The following LYST variants were observed in gnomAD, a reference collection of about 807,000 sequenced individuals.
LYST encodes the protein lysosomal trafficking regulator.
A neutral mutation model predicts 413.6 loss-of-function variants in LYST; 192 were observed. That is an observed-to-expected ratio of 0.46 (90% CI 0.41 to 0.52). The LOEUF is 0.52. LYST is among the 20% of genes least tolerant of loss of function. LYST has a pLI of 0.00. For synonymous variants in LYST, 1,525 were observed against 1,567.3 expected (o/e 0.97, Z 0.64); for missense variants, 3,815 against 4,499.9 (o/e 0.85, Z 4.35).
chr1:235,778,775 G>C (rs1474863098), intron 16 of LYST, among the ~76,000 whole-genome samples: 1 of 152,058 alleles, frequency 6.6e-6, no homozygotes, highest in Non-Finnish European at 1.5e-5. Context: ...TGTTGTGTAT[G>C]ATTATGCTGG....
chr1:235,693,420 T>C lies in LYST; in HGVS notation c.10631A>G (p.Asn3544Ser). Residue 3544 changes from asparagine (N) to serine (S), a missense_variant, in exon 47 of 53, where the codon AAT becomes AGT. Physicochemically the swap from Asn to Ser is conservative, Grantham distance 46. Around this residue, in one of 4 missense-constraint regions of LYST, gnomAD observed 866 missense variants for 1,156.0 expected, o/e 0.75. Transcript: ENST00000389793. ...SAILSWGYAD[N>S]ILRLKSKQSE... The stretch of plus-strand genomic sequence containing the variant: ...TTGTTTACTCTTCAACCTTAAAATA[T>C]TATCAGCATATCCCCAGCTCAGGAT... The C allele has an allele frequency of 1.2e-6, 2 of 1,613,740 alleles. No individual in the cohort carries two copies. Among genetic ancestry groups the C allele is most frequent in the Non-Finnish European group, 1.7e-6 (2 of 1,179,590 alleles).
At chr1:235,738,908 G>A in intron 31 of LYST, 1 of 734,104 alleles carries the variant, frequency 1.4e-6, no homozygotes, top group Non-Finnish European at 2.5e-6. Flanking sequence ...GTGTGAAGGT[G>A]ACTCTGACTC....
rs1328585401 is a variant in LYST at position 235,686,114 on chromosome 1, C to A, written c.10800+835G>T. Among the ~76,000 whole-genome samples the A allele has an allele frequency of 6.6e-6, 1 of 152,092 alleles. No individual in the cohort carries two copies. Among genetic ancestry groups the A allele is most frequent in the Non-Finnish European group, 1.5e-5 (1 of 68,026 alleles). Reference sequence around the variant, plus strand: ...GGGCGTGATGGCTCACACCTATAATCCCAGCACTTTGGGAGGCCGAGGTGG... The same window carrying A: ...GGGCGTGATGGCTCACACCTATAATACCAGCACTTTGGGAGGCCGAGGTGG... On this transcript the variant is annotated intron_variant, in intron 48 of 52. Coordinates refer to ENST00000389793, the MANE Select transcript of LYST (RefSeq NM_000081.4). The surrounding 1 kb of genome is among the most constrained non-coding windows in gnomAD (Gnocchi z 4.0).
chr1:235,661,088 G>A lies in LYST; in HGVS notation c.*1852C>T, dbSNP rs1242942703. 6.6e-6 allele frequency: 1 copy of A among 152,448 alleles called. No individual in the cohort carries two copies. The highest frequency in any genetic ancestry group is 1.5e-5 in the Non-Finnish European group (1 of 67,998). 9.4% of individuals were successfully genotyped at this position (152,448 alleles called of 1,614,324 possible). On this transcript the variant is annotated 3_prime_UTR_variant, in exon 53 of 53. Transcript: ENST00000389793. ...AAATTGAAGAGGCAGTGTATATAAAGGTAACAGAGCTTGTGATAATTTACA... is the reference window on the plus strand; with the variant it reads ...AAATTGAAGAGGCAGTGTATATAAAAGTAACAGAGCTTGTGATAATTTACA...
rs112897593 is a variant in LYST at position 235,758,284 on chromosome 1, A to G, written c.6881+688T>C. 2.8e-3 allele frequency among the ~76,000 whole-genome samples: 431 copies of G among 152,318 alleles called. 3 individuals are homozygous for G. Among genetic ancestry groups the G allele is most frequent in the African/African-American group, 9.3e-3 (387 of 41,574 alleles). On this transcript the variant is annotated intron_variant, in intron 23 of 52. Transcript: ENST00000389793. ...ACAGAGGAACCTTAAGTTTCTGGAG[A>G]GAGAACAAACTGGGGTAGCAGAAGG...
Position 235,813,005 on chromosome 1 carries a change from T to C in LYST, c.249A>G (p.Val83=), listed in dbSNP as rs772179042. ...TTTCTTCTTGGACAGGTATCTTCCA[T>C]ACCAGTGGAAGGAGAGACAGAAGAA... ...LTLLLSLLPL[V]WKIPVQEEKA... Residue 83 remains valine (V), a synonymous_variant, in exon 4 of 53, where the codon GTA becomes GTG. Transcript: ENST00000389793. The C allele has an allele frequency of 2.5e-6, 4 of 1,611,980 alleles. No homozygotes were observed. The highest frequency in any genetic ancestry group is 2.2e-5 in the East Asian group (1 of 44,756).
Position 235,766,192 on chromosome 1 carries a change from G to A in LYST, c.6008C>T (p.Pro2003Leu). ...VKIIAEVLGS[P>L]PDLELLTIIF... ...AATTGTCAATAATTCCAAATCTGGAGGAGATCCAAGGACTTCTGCTATAAT... is the reference window on the plus strand; with the variant it reads ...AATTGTCAATAATTCCAAATCTGGAAGAGATCCAAGGACTTCTGCTATAAT... The change falls in exon 21 of 53, where the codon CCT becomes CTT. Residue 2003 changes from proline to leucine, a missense_variant. Pro to Leu is a moderately conservative substitution (Grantham distance 98). Coordinates refer to ENST00000389793, the MANE Select transcript of LYST (RefSeq NM_000081.4). The A allele has an allele frequency of 1.2e-6, 2 of 1,613,422 alleles. No individual in the cohort carries two copies. The highest frequency in any genetic ancestry group is 1.7e-6 in the Non-Finnish European group (2 of 1,179,470).
At chr1:235,862,806 A>AACACACAC (rs57043954) in intron 1 of LYST, among the ~76,000 whole-genome samples, 28 of 121,524 alleles carry the variant, frequency 2.3e-4, no homozygotes, top group East Asian at 4.4e-4. Flanking sequence ...AAAACAAACA[A>AACACACAC]ACACACACAC....
rs555236973 is a variant in LYST, at chr1:235,857,957, T to C, written c.-98+8886A>G. On this transcript the variant is annotated intron_variant, in intron 1 of 52. Transcript: ENST00000389793. Reference sequence around the variant, plus strand: ...GATTTTATCCACTTTTAAGATTACATTATAGCTATATTTATAGTTGTCACC... The same window carrying C: ...GATTTTATCCACTTTTAAGATTACACTATAGCTATATTTATAGTTGTCACC... Among the ~76,000 whole-genome samples, 3 of 152,290 alleles carry C rather than the reference T, an allele frequency of 2.0e-5. No homozygotes were observed. In the South Asian group the frequency reaches 6.2e-4, roughly 32 times the overall value.
intron 39 of LYST, among the ~76,000 whole-genome samples, chr1:235,722,110 A>C (rs1306828541): frequency 2.6e-5 from 4 of 152,226 alleles, no homozygotes; most frequent in East Asian, 1.9e-4. Context: ...TCCAGGCAAC[A>C]ATGAATGCAA....
In LYST at chr1:235,805,748, TA is replaced by T; in HGVS notation, c.3387del (p.Asn1130IlefsTer13). 1 of 1,608,600 alleles carries T rather than the reference TA, an allele frequency of 6.2e-7. No individual in the cohort carries two copies. ...GACTAAGGACAAGGTATTACCTGAT[TA>T]GGTAACTCCAATTCCATCTTCTGTT... Reference protein sequence around the residue: ...TSQQKMELELPNQNLSVESIL... With the variant: ...TSQQKMELELXNQNLSVESIL... On this transcript the variant is annotated frameshift_variant, in exon 6 of 53. Coordinates refer to ENST00000389793, the MANE Select transcript of LYST (RefSeq NM_000081.4). LOFTEE classifies it high-confidence loss of function.
intron 13 of LYST, among the ~76,000 whole-genome samples, chr1:235,788,159 ATTTAT>A (rs1263593980): frequency 3.3e-5 from 5 of 151,464 alleles, no homozygotes; most frequent in Non-Finnish European, 7.4e-5. Flanking sequence ...TTTTGTTTTT[ATTTAT>A]TTATTTATTT....
At chr1:235,720,585 T>G in intron 40 of LYST, 76 bp downstream of exon 40, 1 of 1,465,902 alleles carries the variant, frequency 6.8e-7, no homozygotes, top group Non-Finnish European at 9.5e-7. Flanking sequence ...TTGAAATTTT[T>G]CATAATGAAA....
intron 47 of LYST, among the ~76,000 whole-genome samples, chr1:235,688,003 C>T: frequency 6.6e-6 from 1 of 152,186 alleles, no homozygotes; most frequent in East Asian, 1.9e-4. Context: ...TTCTTAACTC[C>T]CGTTATACCA....
chr1:235,747,923 A>T (rs942917972), intron 28 of LYST, among the ~76,000 whole-genome samples: 1 of 152,182 alleles, frequency 6.6e-6, no homozygotes, highest in Non-Finnish European at 1.5e-5. Flanking sequence ...TATATTAAAT[A>T]TATTTGTTTA....
At chr1:235,696,206 T>C (rs920127551) in intron 46 of LYST, among the ~76,000 whole-genome samples, 3 of 152,232 alleles carry the variant, frequency 2.0e-5, no homozygotes, top group African/African-American at 7.2e-5. Flanking sequence ...AAAAGAACTA[T>C]GGCCCAGCTA....
At chr1:235,696,347 G>A (rs1336026444) in intron 46 of LYST, among the ~76,000 whole-genome samples, 1 of 152,250 alleles carries the variant, frequency 6.6e-6, no homozygotes, top group African/African-American at 2.4e-5. Context: ...ATTGCCAGCA[G>A]TGCTGGCTGC....
intron 39 of LYST, 142 bp downstream of exon 39, chr1:235,723,886 C>A (rs1378695235): frequency 1.4e-6 from 1 of 710,894 alleles, no homozygotes; most frequent in Non-Finnish European, 2.4e-6. Flanking sequence ...CCTCATATAA[C>A]AAAGGCTTCA....
Position 235,775,084 on chromosome 1 carries a change from A to C in LYST, c.5463T>G (p.Val1821=), listed in dbSNP as rs771884483. ...TTTCTTCACAGCTACTGAGTTCAAC[A>C]ACCTAAAAAAAAAAATGGGTGGATA... ...TGIFVFLFAR[V]VELSSCEETQ... The change falls in exon 18 of 53, where the codon GTT becomes GTG. Residue 1821 remains valine (V), a splice_region_variant and synonymous_variant. Transcript: ENST00000389793. The C allele has an allele frequency of 2.5e-6, 4 of 1,609,820 alleles. No individual in the cohort carries two copies. The East Asian group carries it at 8.9e-5, about 36-fold the overall frequency.
Sources: allele counts gnomAD v4.1 joint callset (sites outside exome capture counted in the v4.1 genomes callset), GRCh38; gene constraint gnomAD v4.1.1; regional missense constraint gnomAD v4.1.1; non-coding constraint Gnocchi (gnomAD v3.1); transcripts MANE v1.5; gene names NCBI Gene and HGNC (gene_info 2026-07-23, HGNC 2026-07-21).